The following G2E3 variants were observed in gnomAD, a reference collection of about 807,000 sequenced individuals.
The protein encoded by G2E3 is G2/M-phase specific E3 ubiquitin protein ligase, also known as G2/M phase-specific E3 ubiquitin-protein ligase.
A neutral mutation model predicts 92.8 loss-of-function variants in G2E3; 35 were observed. The ratio of observed to expected loss-of-function variants is 0.38; its 90% CI spans 0.29 to 0.50. The LOEUF (loss-of-function observed/expected upper bound fraction) is 0.50, where lower values mean the gene tolerates loss of function less well. Ranked by LOEUF, G2E3 falls within the 20% of genes least tolerant of loss-of-function variation. G2E3 has a pLI of 0.94. For synonymous variants in G2E3, 242 were observed against 272.4 expected (o/e 0.89, Z 1.10); for missense variants, 554 against 823.8 (o/e 0.67, Z 4.01).
intron 13 of G2E3, among the ~76,000 whole-genome samples, chr14:30,614,803 A>G (rs879305893): frequency 1.3e-5 from 2 of 152,178 alleles, no homozygotes; most frequent in East Asian, 1.9e-4. Context: ...TCTTTTGTTA[A>G]TCATATATTT....
chr14:30,559,206 G>C lies in G2E3; in HGVS notation c.-71G>C, dbSNP rs17096912. 2.6e-5 allele frequency: 4 copies of C among 152,596 alleles called. No individual in the cohort carries two copies. The highest frequency in any genetic ancestry group is 1.9e-4 in the East Asian group (1 of 5,188). The allele number at this position is 152,596 out of a possible 1,614,324, so 9.5% of individuals were successfully genotyped here. A position where few individuals can be genotyped will look rare whatever the true frequency, so the allele number is the denominator to read the frequency against. ...GAATGTGGCTGCTCGCGGTCGGCGT[G>C]CCCCGACGTACAGCGGGCCGGGAAA... is the stretch of plus-strand genomic sequence containing the variant. On this transcript the variant is annotated 5_prime_UTR_variant, in exon 1 of 15. Transcript: ENST00000206595.
intron 8 of G2E3, among the ~76,000 whole-genome samples, chr14:30,600,667 A>G (rs1299324670): frequency 2.0e-5 from 3 of 152,330 alleles, no homozygotes; most frequent in Admixed American, 6.5e-5. Context: ...GATATTGTCT[A>G]TCTGAATGAC....
At chr14:30,562,583 A>C (rs1879170722) in intron 1 of G2E3, among the ~76,000 whole-genome samples, 1 of 152,110 alleles carries the variant, frequency 6.6e-6, no homozygotes, top group Non-Finnish European at 1.5e-5. Flanking sequence ...GCTACTTAGC[A>C]GACCGGGAAA....
chr14:30,561,792 A>G (rs1007803709), intron 1 of G2E3, among the ~76,000 whole-genome samples: 2 of 151,190 alleles, frequency 1.3e-5, no homozygotes, highest in African/African-American at 4.9e-5. Flanking sequence ...GTGAGTACTT[A>G]TTATTTTAAC....
intron 5 of G2E3, among the ~76,000 whole-genome samples, chr14:30,593,179 A>T (rs904253914): frequency 5.3e-5 from 8 of 152,318 alleles, no homozygotes; most frequent in South Asian, 2.1e-4. Flanking sequence ...GTTGAATACA[A>T]TAATGTATAT....
chr14:30,576,098 A>C (rs186271656), intron 1 of G2E3, among the ~76,000 whole-genome samples: 70 of 152,352 alleles, frequency 4.6e-4, no homozygotes, highest in African/African-American at 1.6e-3. Flanking sequence ...TGGAGGCATC[A>C]CATTACCCAT....
chr14:30,562,129 A>G (rs1879137012), intron 1 of G2E3, among the ~76,000 whole-genome samples: 1 of 152,170 alleles, frequency 6.6e-6, no homozygotes, highest in Non-Finnish European at 1.5e-5. Flanking sequence ...AAGATTTAGT[A>G]GCTTTTAAAA....
intron 10 of G2E3, among the ~76,000 whole-genome samples, chr14:30,604,761 A>G (rs1351322728): frequency 1.3e-5 from 2 of 152,226 alleles, no homozygotes; most frequent in African/African-American, 4.8e-5. Context: ...TTATATAGTA[A>G]GGAGAGATTA....
At chr14:30,568,125 T>C (rs1375776145) in intron 1 of G2E3, among the ~76,000 whole-genome samples, 1 of 152,160 alleles carries the variant, frequency 6.6e-6, no homozygotes, top group Non-Finnish European at 1.5e-5. Flanking sequence ...ATAATTGTCA[T>C]GTCTTCTTGA....
intron 1 of G2E3, among the ~76,000 whole-genome samples, chr14:30,576,517 A>G (rs1425139749): frequency 6.6e-6 from 1 of 152,248 alleles, no homozygotes; most frequent in East Asian, 1.9e-4. Flanking sequence ...AAAATTGACA[A>G]GTGGGATCTA....
intron 11 of G2E3, among the ~76,000 whole-genome samples, chr14:30,606,600 C>T (rs187810091): frequency 5.3e-5 from 8 of 152,118 alleles, no homozygotes; most frequent in East Asian, 3.9e-4. Flanking sequence ...GTGGAGAGTA[C>T]GTGAATTTAA....
Position 30,602,020 on chromosome 14 carries a change from A to C in G2E3, c.899A>C (p.Lys300Thr). 6.2e-7 allele frequency: 1 copy of C among 1,611,668 alleles called. No homozygotes were observed. The highest frequency in any genetic ancestry group is 8.5e-7 in the Non-Finnish European group (1 of 1,178,724). ...YNSGEFQKAK[K>T]HVLPNSNNVG... The stretch of plus-strand genomic sequence containing the variant: ...GTAGGAGAGTTCCAAAAAGCCAAAA[A>C]ACATGTATTACCCAATTCTAATAAT... Residue 300 changes from lysine (K) to threonine (T), a missense_variant, in exon 10 of 15, where the codon AAA becomes ACA. Around this residue, in one of 3 missense-constraint regions of G2E3, gnomAD observed 397 missense variants for 560.3 expected, o/e 0.71. Coordinates refer to ENST00000206595, the MANE Select transcript of G2E3 (RefSeq NM_017769.5).
intron 6 of G2E3, among the ~76,000 whole-genome samples, chr14:30,594,817 A>G (rs229256): frequency 0.077 from 11,324 of 147,886 alleles, 657 homozygotes; most frequent in African/African-American, 0.16. Context: ...TTTTATACTT[A>G]GGATTATTCA....
intron 13 of G2E3, among the ~76,000 whole-genome samples, chr14:30,614,357 T>A (rs1286598900): frequency 6.6e-6 from 1 of 152,248 alleles, no homozygotes; most frequent in Admixed American, 6.5e-5. Flanking sequence ...AAAGGCATAG[T>A]GCCAGTATCT....
chr14:30,615,892 A>C (rs1342625016), intron 14 of G2E3, among the ~76,000 whole-genome samples: 1 of 152,176 alleles, frequency 6.6e-6, no homozygotes, highest in Non-Finnish European at 1.5e-5. Flanking sequence ...CCCACTGGTC[A>C]GGGCTATAAC....
In G2E3 at chr14:30,619,860, A is replaced by T. The variant is rs1056096299; in HGVS notation, c.*3326A>T. 6.6e-6 allele frequency: 1 copy of T among 152,218 alleles called. No individual in the cohort carries two copies. The highest frequency in any genetic ancestry group is 1.5e-5 in the Non-Finnish European group (1 of 68,016). 9.4% of individuals were successfully genotyped at this position (152,218 alleles called of 1,614,324 possible). A position where few individuals can be genotyped will look rare whatever the true frequency, so the allele number is the denominator to read the frequency against. ...AAAGGTAAACTGCCTATTTAAACTA[A>T]GTAATTTTTTGGGATTTAATAAGAT... On this transcript the variant is annotated 3_prime_UTR_variant, in exon 15 of 15. Transcript: ENST00000206595.
chr14:30,563,840 C>T (rs777803404), intron 1 of G2E3, among the ~76,000 whole-genome samples: 1 of 151,856 alleles, frequency 6.6e-6, no homozygotes, highest in Non-Finnish European at 1.5e-5. Flanking sequence ...CTGCCTCAAC[C>T]TCCTGAGTAG....
rs1211672965 is a variant in G2E3, at chr14:30,589,312, A to G, written c.136-71A>G. ...TCTGTTTTTTATTAGACTGAATAGT[A>G]TGGATATATATTTTTTTAATGCCCA... is the stretch of plus-strand genomic sequence containing the variant. On this transcript the variant is annotated intron_variant, in intron 3 of 14. Coordinates refer to ENST00000206595, the MANE Select transcript of G2E3 (RefSeq NM_017769.5). 35 of 833,960 alleles carry G rather than the reference A, an allele frequency of 4.2e-5. 1 individual carries two copies. Among genetic ancestry groups the G allele is most frequent in the Non-Finnish European group, 2.0e-5 (10 of 488,522 alleles). 51.7% of individuals were successfully genotyped at this position (833,960 alleles called of 1,614,324 possible).
At chr14:30,601,595 T>G (rs1249253477) in intron 8 of G2E3, among the ~76,000 whole-genome samples, 175 bp from the exon 9 acceptor site, 1 of 152,244 alleles carries the variant, frequency 6.6e-6, no homozygotes, top group East Asian at 1.9e-4. Flanking sequence ...AAGTTAGTTT[T>G]GGTTTTTACA....
Sources: gnomAD v4.1 joint callset for allele counts (sites outside exome capture counted in the v4.1 genomes callset) on GRCh38, gnomAD v4.1.1 for gene constraint, gnomAD v4.1.1 regional missense constraint, MANE v1.5 for transcripts, NCBI Gene and HGNC (gene_info 2026-07-23, HGNC 2026-07-21) for gene names.